Variants in PRDM2 observed in about 807,000 individuals in gnomAD.
PRDM2 encodes the protein PR/SET domain 2, also known as PR domain zinc finger protein 2.
Under a neutral mutation model 130.0 loss-of-function variants are expected in PRDM2, and 30 were observed. The observed-to-expected ratio is 0.23, with a 90% CI of 0.17 to 0.31. The LOEUF (loss-of-function observed/expected upper bound fraction) is 0.31. Ranked by LOEUF, PRDM2 falls within the 10% of genes least tolerant of loss-of-function variation. The probability of loss-of-function intolerance (pLI) is 1.00; values close to 1 mark genes in which losing one functional copy is unlikely to be tolerated. For missense variants in PRDM2, 2,011 were observed against 2,108.4 expected, an observed-to-expected ratio of 0.95 and a Z score of 0.90; for synonymous variants, 871 against 782.4, an observed-to-expected ratio of 1.11 and a Z score of -1.89.
At chr1:13,731,692 G>A (rs1434332327) in intron 3 of PRDM2, among the ~76,000 whole-genome samples, 1 of 152,136 alleles carries the variant, frequency 6.6e-6, no homozygotes, top group African/African-American at 2.4e-5. Flanking sequence ...TGGTTTTTAT[G>A]TGGCCTAATC....
chr1:13,785,569 G>A (rs1644716627), intron 8 of PRDM2, among the ~76,000 whole-genome samples: 1 of 152,034 alleles, frequency 6.6e-6, no homozygotes, highest in African/African-American at 2.4e-5. Context: ...GTGTCAAAAA[G>A]CCATGTGCTC....
chr1:13,785,289 C>G (rs1170896293), intron 8 of PRDM2, among the ~76,000 whole-genome samples: 1 of 152,174 alleles, frequency 6.6e-6, no homozygotes, highest in Admixed American at 6.5e-5. Flanking sequence ...CTCACTTTCA[C>G]TCTGTTTGCA....
chr1:13,788,221 T>C (rs1644780378), intron 8 of PRDM2: 4 of 610,358 alleles, frequency 6.6e-6, no homozygotes, highest in African/African-American at 6.0e-5. Context: ...TTCACTTGTT[T>C]CTATTTGACA....
At chr1:13,821,633 A>G (rs1645353607) in intron 9 of PRDM2, among the ~76,000 whole-genome samples, 1 of 151,626 alleles carries the variant, frequency 6.6e-6, no homozygotes, top group Non-Finnish European at 1.5e-5. Context: ...GTATTTTTGT[A>G]TTTTTGTATT....
intron 9 of PRDM2, among the ~76,000 whole-genome samples, chr1:13,818,813 C>A (rs1383713647): frequency 6.6e-6 from 1 of 152,122 alleles, no homozygotes; most frequent in Non-Finnish European, 1.5e-5. Flanking sequence ...TGGAATTGAA[C>A]CTGTCTCTCT....
At chr1:13,742,259 G>A (rs1041598098) in intron 5 of PRDM2, 102 bp downstream of exon 5, 8 of 1,324,870 alleles carry the variant, frequency 6.0e-6, no homozygotes, top group Non-Finnish European at 8.4e-6. Context: ...GGAGTGCAGG[G>A]GCTCCATCAC....
intron 7 of PRDM2, among the ~76,000 whole-genome samples, chr1:13,776,275 G>A (rs570267190): frequency 2.0e-5 from 3 of 152,252 alleles, no homozygotes; most frequent in African/African-American, 4.8e-5. Flanking sequence ...ATTTGCAAGT[G>A]ATTGGGGGAA....
intron 8 of PRDM2, among the ~76,000 whole-genome samples, chr1:13,811,777 G>A (rs1020103388): frequency 3.9e-5 from 6 of 152,250 alleles, no homozygotes; most frequent in African/African-American, 1.4e-4. Context: ...GAAGACAGAA[G>A]GGAACTCCAA....
intron 4 of PRDM2, among the ~76,000 whole-genome samples, chr1:13,741,320 T>G (rs1258170752): frequency 6.6e-6 from 1 of 152,154 alleles, no homozygotes; most frequent in African/African-American, 2.4e-5. Flanking sequence ...TTTTGGTCCT[T>G]TTCTTTTTGA....
chr1:13,814,018 G>C (rs1195087515), intron 8 of PRDM2, among the ~76,000 whole-genome samples: 1 of 152,204 alleles, frequency 6.6e-6, no homozygotes, highest in Non-Finnish European at 1.5e-5. Context: ...AGCTTCTGCT[G>C]GTCTTGCTAC....
chr1:13,801,904 C>A (rs1403279611), intron 8 of PRDM2, among the ~76,000 whole-genome samples: 1 of 152,188 alleles, frequency 6.6e-6, no homozygotes, highest in Non-Finnish European at 1.5e-5. Context: ...GAGCAGTTCT[C>A]AAACTAAATG....
chr1:13,768,885 A>T (rs1644294570), intron 6 of PRDM2, among the ~76,000 whole-genome samples: 1 of 152,246 alleles, frequency 6.6e-6, no homozygotes, highest in Non-Finnish European at 1.5e-5. Context: ...AAGAATGAAT[A>T]TACTACATTG....
intron 6 of PRDM2, among the ~76,000 whole-genome samples, chr1:13,760,841 G>T (rs970994559): frequency 2.7e-5 from 4 of 149,490 alleles, no homozygotes; most frequent in Admixed American, 2.0e-4. Flanking sequence ...TCTCTGGCCG[G>T]TTGGCACACT....
At chr1:13,793,510 CTT>C (rs971825695) in intron 8 of PRDM2, among the ~76,000 whole-genome samples, 2 of 152,194 alleles carry the variant, frequency 1.3e-5, no homozygotes, top group African/African-American at 4.8e-5. Context: ...AAACGACTCA[CTT>C]TTCAAAAGCC....
chr1:13,766,240 T>C (rs1380044531), intron 6 of PRDM2, among the ~76,000 whole-genome samples: 2 of 152,154 alleles, frequency 1.3e-5, no homozygotes, highest in Non-Finnish European at 1.5e-5. Flanking sequence ...TGTGAAAGCA[T>C]GGTTCCAGTC....
At chr1:13,819,562 AT>A (rs1645314154) in intron 9 of PRDM2, among the ~76,000 whole-genome samples, 1 of 152,156 alleles carries the variant, frequency 6.6e-6, no homozygotes, top group Non-Finnish European at 1.5e-5. Flanking sequence ...TTTTAAAATA[AT>A]TTTTTAAAAA....
Position 13,823,544 on chromosome 1 carries a change from T to G in PRDM2, c.*409T>G. The G allele has an allele frequency of 3.9e-6, 1 of 257,120 alleles. No individual in the cohort carries two copies. Among genetic ancestry groups the G allele is most frequent in the Non-Finnish European group, 7.5e-6 (1 of 132,514 alleles). The allele number at this position is 257,120 out of a possible 1,614,324, so 15.9% of individuals were successfully genotyped here. On this transcript the variant is annotated 3_prime_UTR_variant, in exon 10 of 10. Transcript: ENST00000311066. The stretch of plus-strand genomic sequence containing the variant: ...CTTTTGCCATTATGGGGACTTTGGT[T>G]TGACCCAGGGGTCAGCCTTAGGAAG...
At chr1:13,799,951 G>T (rs1031413155) in intron 8 of PRDM2, among the ~76,000 whole-genome samples, 2 of 152,222 alleles carry the variant, frequency 1.3e-5, no homozygotes, top group Non-Finnish European at 2.9e-5. Flanking sequence ...TTTGTACTCA[G>T]ATTCCCCTTA....
At chr1:13,783,033 C>G in intron 8 of PRDM2, 1 of 1,273,012 alleles carries the variant, frequency 7.9e-7, no homozygotes, top group Non-Finnish European at 1.1e-6. Context: ...AGACTTAGGA[C>G]TCACAAAGCA....
Sources: gnomAD v4.1 joint callset for allele counts (sites outside exome capture counted in the v4.1 genomes callset) on GRCh38, gnomAD v4.1.1 for gene constraint, MANE v1.5 for transcripts, NCBI Gene and HGNC (gene_info 2026-07-23, HGNC 2026-07-21) for gene names.